Variants in TRHDE observed in about 807,000 individuals in gnomAD.
TRHDE encodes the protein thyrotropin-releasing hormone-degrading ectoenzyme.
A neutral mutation model predicts 125.7 loss-of-function variants in TRHDE; 72 were observed. The observed-to-expected ratio is 0.57, with a 90% CI of 0.47 to 0.70. The LOEUF is 0.70. TRHDE is among the 30% of genes least tolerant of loss of function. The pLI is 0.00. For missense variants in TRHDE, 1,110 were observed against 1,327.1 expected (o/e 0.84, Z 2.54); for synonymous variants, 509 against 509.1 (o/e 1.00, Z 0.00).
intron 3 of TRHDE, among the ~76,000 whole-genome samples, chr12:72,390,969 C>T (rs994406140): frequency 4.6e-5 from 7 of 151,534 alleles, no homozygotes; most frequent in African/African-American, 1.7e-4. Context: ...CTCAGCACGT[C>T]GTATAAAATT....
chr12:72,208,631 G>T (rs1195518104), intron 2 of TRHDE, among the ~76,000 whole-genome samples: 1 of 152,200 alleles, frequency 6.6e-6, no homozygotes, highest in South Asian at 2.1e-4. Flanking sequence ...TTTCTGATCT[G>T]CAAATTGGGA....
At chr12:72,171,221 T>C (rs905142360) in intron 2 of TRHDE, among the ~76,000 whole-genome samples, 1 of 151,872 alleles carries the variant, frequency 6.6e-6, no homozygotes, top group African/African-American at 2.4e-5. Context: ...GAAGGAATCT[T>C]TAGAAAAAGA....
intron 6 of TRHDE, among the ~76,000 whole-genome samples, 174 bp downstream of exon 6, chr12:72,499,809 A>T (rs1427972298): frequency 1.3e-5 from 2 of 152,220 alleles, no homozygotes; most frequent in African/African-American, 4.8e-5. Flanking sequence ...TTGCTTTAAA[A>T]GTTGGCAAAA....
chr12:72,656,891 C>A (rs762329799), intron 17 of TRHDE, 36 bp from the exon 18 acceptor site: 25 of 1,346,820 alleles, frequency 1.9e-5, no homozygotes, highest in African/African-American at 2.9e-5. Context: ...AAAATTATGA[C>A]CTGCATTGAC....
chr12:72,271,733 A>G (rs995466640), upstream of TRHDE: 1 of 367,610 alleles, frequency 2.7e-6, no homozygotes, highest in Non-Finnish European at 5.4e-6. Flanking sequence ...ACACACACGC[A>G]CACACGCGCA....
At position 72,091,857 on chromosome 12, in the gene TRHDE, A is replaced by T. The variant is rs143667563; in HGVS notation, n.174+4418A>T. The stretch of plus-strand genomic sequence containing the variant: ...TCAATTAAGCAGCTGACCAATAGTT[A>T]CCTCCTCCTCCTTGATCTTGCTACC... On this transcript the variant is annotated intron_variant and non_coding_transcript_variant, in intron 1 of 4. Transcript: ENST00000548156. 3.4e-4 allele frequency among the ~76,000 whole-genome samples: 51 copies of T among 152,108 alleles called. No individual in the cohort carries two copies. In the East Asian group the frequency reaches 8.7e-3, roughly 26 times the overall value.
At chr12:72,329,682 G>A (rs187484519) in intron 2 of TRHDE, among the ~76,000 whole-genome samples, 228 of 152,310 alleles carry the variant, frequency 1.5e-3, no homozygotes, top group Non-Finnish European at 1.7e-3. Flanking sequence ...AAGAATAGGT[G>A]ATGGAAGTAG....
In TRHDE at chr12:72,453,476, T is replaced by A. The variant is rs557136730; in HGVS notation, c.1316-16282T>A. 4.6e-5 allele frequency among the ~76,000 whole-genome samples: 7 copies of A among 152,310 alleles called. No homozygotes were observed. The South Asian group carries it at 1.4e-3, about 32-fold the overall frequency. ...ATTTATATTTAAAAGAGAAGTAGAA[T>A]GTAAATTTTGGAAAATTTGCAGCCT... is the stretch of plus-strand genomic sequence containing the variant. On this transcript the variant is annotated intron_variant, in intron 3 of 18. Coordinates refer to ENST00000261180, the MANE Select transcript of TRHDE (RefSeq NM_013381.3).
chr12:72,270,623 A>G (rs1210813501), upstream of TRHDE, among the ~76,000 whole-genome samples: 1 of 148,834 alleles, frequency 6.7e-6, no homozygotes, highest in Non-Finnish European at 1.5e-5. Flanking sequence ...AGAAACATGT[A>G]AAAAGGAATT....
intron 7 of TRHDE, among the ~76,000 whole-genome samples, chr12:72,543,802 T>TTAA (rs1044469351): frequency 6.5e-5 from 8 of 122,288 alleles, no homozygotes; most frequent in Non-Finnish European, 1.1e-4. Flanking sequence ...GAAAGGATTA[T>TTAA]TATTATTATT....
At chr12:72,613,424 A>C (rs2136071256) in intron 12 of TRHDE, among the ~76,000 whole-genome samples, 1 of 152,324 alleles carries the variant, frequency 6.6e-6, no homozygotes, top group South Asian at 2.1e-4. Flanking sequence ...AAAATGCTTA[A>C]TTTAAAAAAA....
chr12:72,168,442 T>C (rs1192401301), intron 2 of TRHDE, among the ~76,000 whole-genome samples: 1 of 152,204 alleles, frequency 6.6e-6, no homozygotes, highest in Non-Finnish European at 1.5e-5. Flanking sequence ...TGTATGGTTC[T>C]GGGGTCATCT....
At chr12:72,624,809 A>G (rs1873192664) in intron 15 of TRHDE, among the ~76,000 whole-genome samples, 1 of 151,956 alleles carries the variant, frequency 6.6e-6, no homozygotes, top group East Asian at 1.9e-4. Context: ...AAGCTCAACA[A>G]AAAAGCACAT....
intron 1 of TRHDE, among the ~76,000 whole-genome samples, chr12:72,275,606 T>C (rs930195594): frequency 1.3e-5 from 2 of 152,254 alleles, no homozygotes; most frequent in Non-Finnish European, 2.9e-5. Flanking sequence ...ATATCATTAC[T>C]GATACATCTT....
intron 12 of TRHDE, among the ~76,000 whole-genome samples, chr12:72,592,690 ATTTCT>A (rs1332339799): frequency 4.2e-5 from 6 of 143,992 alleles, no homozygotes; most frequent in Non-Finnish European, 9.0e-5. Context: ...CCTGTAGGTG[ATTTCT>A]TTTCTTTTCT....
chr12:72,609,016 C>T (rs1402608033), intron 12 of TRHDE, among the ~76,000 whole-genome samples: 2 of 152,116 alleles, frequency 1.3e-5, no homozygotes, highest in Non-Finnish European at 2.9e-5. Context: ...GATTTAGTCA[C>T]ATAGTGTATG....
At chr12:72,484,103 A>G (rs1463553439) in intron 5 of TRHDE, among the ~76,000 whole-genome samples, 1 of 152,128 alleles carries the variant, frequency 6.6e-6, no homozygotes, top group Non-Finnish European at 1.5e-5. Flanking sequence ...TAATCTGTTT[A>G]AGAAAATTAG....
chr12:72,586,717 A>C (rs1242453585), intron 12 of TRHDE, among the ~76,000 whole-genome samples: 1 of 151,880 alleles, frequency 6.6e-6, no homozygotes, highest in Admixed American at 6.6e-5. Context: ...CAGCTGCTTC[A>C]TCTAATTAGG....
chr12:72,231,371 T>C (rs188885542), intron 2 of TRHDE, among the ~76,000 whole-genome samples: 2 of 152,162 alleles, frequency 1.3e-5, no homozygotes, highest in African/African-American at 2.4e-5. Context: ...TTATGCAGTA[T>C]TGACAAAATT....
Sources: allele counts gnomAD v4.1 joint callset (sites outside exome capture counted in the v4.1 genomes callset), GRCh38; gene constraint gnomAD v4.1.1; transcripts MANE v1.5; gene names NCBI Gene and HGNC (gene_info 2026-07-23, HGNC 2026-07-21).